RP1: variants seen among roughly 807,000 people sequenced by gnomAD.
RP1 encodes the protein RP1 axonemal microtubule associated, also known as oxygen-regulated protein 1.
A neutral mutation model predicts 14.8 loss-of-function variants in RP1; 16 were observed. The observed-to-expected ratio is 1.08, with a 90% CI of 0.73 to 1.65. The LOEUF (loss-of-function observed/expected upper bound fraction) is 1.65. Ranked by LOEUF, RP1 falls within the 40% of genes most tolerant of loss-of-function variation. RP1 has a pLI of 0.00. For missense variants in RP1, 2,631 were observed against 2,535.0 expected (o/e 1.04, Z -0.81); for synonymous variants, 876 against 883.6 (o/e 0.99, Z 0.15).
At chr8:54,600,787 C>T (rs1020733906) in intron 1 of RP1, among the ~76,000 whole-genome samples, 3 of 152,134 alleles carry the variant, frequency 2.0e-5, no homozygotes, top group African/African-American at 7.2e-5. Flanking sequence ...GACCCTTGGC[C>T]AGAGAGAGGT....
intron 1 of RP1, among the ~76,000 whole-genome samples, chr8:54,610,120 G>A (rs1464901350): frequency 6.6e-6 from 1 of 152,174 alleles, no homozygotes; most frequent in Non-Finnish European, 1.5e-5. Flanking sequence ...AAGGTCTTGA[G>A]GTTACAGATA....
chr8:54,633,710 C>CCTCTCTCTCT (rs3077384), downstream of RP1, among the ~76,000 whole-genome samples: 198 of 118,490 alleles, frequency 1.7e-3, no homozygotes, highest in East Asian at 5.0e-3. Flanking sequence ...TTATTTTGTG[C>CCTCTCTCTCT]CTCTCTCTCT....
intron 1 of RP1, chr8:54,561,565 C>G (rs1804287152): frequency 6.6e-6 from 1 of 152,188 alleles, no homozygotes; most frequent in Non-Finnish European, 1.5e-5. Context: ...AGAAGTTTGG[C>G]AGGCATGACT....
At chr8:54,842,148 T>C (rs1281588525) in intron 25 of RP1, among the ~76,000 whole-genome samples, 1 of 152,124 alleles carries the variant, frequency 6.6e-6, no homozygotes, top group African/African-American at 2.4e-5. Context: ...TACTCGTCAA[T>C]ATGTGAGGGG....
intron 3 of RP1, among the ~76,000 whole-genome samples, chr8:54,640,604 A>C (rs1156927159): frequency 1.3e-5 from 2 of 152,200 alleles, no homozygotes; most frequent in Non-Finnish European, 2.9e-5. Flanking sequence ...AGACCATAGA[A>C]GATGGAGTCA....
At chr8:54,856,592 T>C (rs1176623475) in intron 26 of RP1, among the ~76,000 whole-genome samples, 1 of 152,172 alleles carries the variant, frequency 6.6e-6, no homozygotes, top group East Asian at 1.9e-4. Context: ...CTGGGACAAG[T>C]AGCTTAACTC....
chr8:54,608,124 T>A (rs1327328617), intron 1 of RP1, among the ~76,000 whole-genome samples: 2 of 151,968 alleles, frequency 1.3e-5, no homozygotes, highest in African/African-American at 2.4e-5. Flanking sequence ...ATCACCCATC[T>A]TCTGTGTTGC....
At chr8:54,797,873 CTTT>C (rs71254593) in intron 24 of RP1, among the ~76,000 whole-genome samples, 25 of 112,276 alleles carry the variant, frequency 2.2e-4, no homozygotes, top group African/African-American at 7.4e-4. Flanking sequence ...GTTTCCCAAC[CTTT>C]TTTTTTTTTT....
chr8:54,629,987 T>C lies in RP1; in HGVS notation c.6105T>C (p.Asn2035=), dbSNP rs760884101. The C allele has an allele frequency of 1.2e-6, 2 of 1,614,048 alleles. No individual in the cohort carries two copies. Among genetic ancestry groups the C allele is most frequent in the South Asian group, 2.2e-5 (2 of 91,076 alleles). The change falls in exon 4 of 4, where the codon AAT becomes AAC. Residue 2035 remains asparagine (N), a synonymous_variant. Transcript: ENST00000220676. The part of the protein sequence containing the change: ...QPDLKERFCM[N]FLHTSLLVVG... ...ATTTGAAGGAAAGGTTTTGTATGAA[T>C]TTCTTGCACACATCATTGTTAGTTG...
intron 23 of RP1, chr8:54,783,513 ATACTTTTATATTGATCTCCTTTT>A (rs1810240019): frequency 8.8e-7 from 1 of 1,141,386 alleles, no homozygotes; most frequent in African/African-American, 1.6e-5. Context: ...TTTTTCCCCT[ATACTTTTATATTGATCTCCTTTT>A]TCCTTTGCAG....
intron 22 of RP1, among the ~76,000 whole-genome samples, chr8:54,762,146 G>A (rs937830817): frequency 2.0e-5 from 3 of 152,124 alleles, no homozygotes; most frequent in Non-Finnish European, 4.4e-5. Context: ...TAGTTCTGGG[G>A]TACAGGCATC....
rs540202452 is a variant in RP1 at position 54,740,708 on chromosome 8, C to T, written c.2808+1679C>T. ...CTGCGTTCCAGCCTGGGCGACAAAG[C>T]GAGACTCTGTCTTAAAAAAAATAAT... is the stretch of plus-strand genomic sequence containing the variant. On this transcript the variant is annotated intron_variant, in intron 19 of 22. Coordinates refer to the RP1 transcript ENST00000636932. 2.0e-4 allele frequency among the ~76,000 whole-genome samples: 30 copies of T among 151,108 alleles called. No individual in the cohort carries two copies. In the South Asian group the frequency reaches 5.2e-3, roughly 26 times the overall value.
At chr8:54,696,472 C>A in intron 12 of RP1, 1 of 893,660 alleles carries the variant, frequency 1.1e-6, no homozygotes. Flanking sequence ...CTTATCAAGC[C>A]CTCGAAGCCA....
intron 24 of RP1, among the ~76,000 whole-genome samples, chr8:54,828,842 ATCTTCT>A (rs144122184): frequency 7.7e-5 from 11 of 143,202 alleles, no homozygotes; most frequent in Non-Finnish European, 1.2e-4. Flanking sequence ...GTCCATTATA[ATCTTCT>A]TCTTCTTCTT....
intron 19 of RP1, among the ~76,000 whole-genome samples, chr8:54,744,366 C>T (rs753289899): frequency 3.3e-5 from 5 of 152,156 alleles, no homozygotes; most frequent in Non-Finnish European, 7.4e-5. Flanking sequence ...CCTCTGAGTG[C>T]ACAGTGGGGA....
chr8:54,818,725 T>C (rs1317702667), intron 24 of RP1, among the ~76,000 whole-genome samples: 1 of 152,216 alleles, frequency 6.6e-6, no homozygotes, highest in African/African-American at 2.4e-5. Context: ...CTTTGTCCTG[T>C]GGATCTACTT....
chr8:54,775,112 C>G (rs992778820), intron 23 of RP1, among the ~76,000 whole-genome samples: 1 of 151,962 alleles, frequency 6.6e-6, no homozygotes, highest in African/African-American at 2.4e-5. Flanking sequence ...CAAATGTCTC[C>G]AAGGGGCAAA....
At chr8:54,743,887 CT>C (rs1238315088) in intron 19 of RP1, among the ~76,000 whole-genome samples, 1 of 152,168 alleles carries the variant, frequency 6.6e-6, no homozygotes, top group Non-Finnish European at 1.5e-5. Flanking sequence ...GCCAGCCATG[CT>C]TCTGCTTTCC....
chr8:54,807,655 T>TATC (rs1214916740), intron 24 of RP1, among the ~76,000 whole-genome samples: 203 of 55,930 alleles, frequency 3.6e-3, no homozygotes, highest in Non-Finnish European at 5.2e-3. Flanking sequence ...TCTATCTATC[T>TATC]ATCTATCTAT....
Sources: allele counts gnomAD v4.1 joint callset (sites outside exome capture counted in the v4.1 genomes callset), GRCh38; gene constraint gnomAD v4.1.1; transcripts MANE v1.5; gene names NCBI Gene and HGNC (gene_info 2026-07-23, HGNC 2026-07-21).